SLC17A1: variants seen among roughly 807,000 people sequenced by gnomAD.
SLC17A1 encodes the protein solute carrier family 17 member 1.
A neutral mutation model predicts 53.5 loss-of-function variants in SLC17A1; 51 were observed. The ratio of observed to expected loss-of-function variants is 0.95; its 90% CI spans 0.76 to 1.20. SLC17A1 has a LOEUF of 1.20. Among genes scored for constraint, SLC17A1 ranks in the 50% most tolerant of loss-of-function variants. The probability of loss-of-function intolerance (pLI) is 0.00; values close to 1 mark genes in which losing one functional copy is unlikely to be tolerated. For synonymous variants in SLC17A1, 179 were observed against 198.8 expected, an observed-to-expected ratio of 0.90 and a Z score of 0.84; for missense variants, 538 against 568.2, an observed-to-expected ratio of 0.95 and a Z score of 0.54.
At chr6:25,785,681 T>C (rs9467597) in intron 12 of SLC17A1, among the ~76,000 whole-genome samples, 2,010 of 152,154 alleles carry the variant, frequency 0.013, 30 homozygotes, top group African/African-American at 0.036. Context: ...TGAATATATA[T>C]ATTTCTGTAA....
At chr6:25,753,098 C>A in the SLC17A1 span, among the ~76,000 whole-genome samples, 1 of 152,112 alleles carries the variant, frequency 6.6e-6, no homozygotes, top group Non-Finnish European at 1.5e-5. Flanking sequence ...TAGGCTGACA[C>A]AAAATCAAGA....
At chr6:25,801,655 A>G (rs961450708) in intron 10 of SLC17A1, among the ~76,000 whole-genome samples, 21 of 152,192 alleles carry the variant, frequency 1.4e-4, no homozygotes, top group Non-Finnish European at 2.4e-4. Context: ...ATTAAAGTTC[A>G]GTGTGTTCAA....
the SLC17A1 span, among the ~76,000 whole-genome samples, chr6:25,760,797 T>G: frequency 2.0e-5 from 3 of 152,208 alleles, no homozygotes; most frequent in Non-Finnish European, 4.4e-5. Context: ...TCAAGTAGTA[T>G]CTTTCTTAAA....
the SLC17A1 span, chr6:25,777,914 T>G: frequency 3.1e-6 from 5 of 1,601,250 alleles, no homozygotes; most frequent in South Asian, 5.5e-5. Flanking sequence ...GAGTACCATC[T>G]CTCTCTCTCA....
intron 2 of SLC17A1, among the ~76,000 whole-genome samples, chr6:25,827,209 A>G (rs1335326716): frequency 6.6e-6 from 1 of 152,124 alleles, no homozygotes; most frequent in African/African-American, 2.4e-5. Flanking sequence ...AATGCAATCC[A>G]TTGGAGGAAA....
chr6:25,769,852 T>C, the SLC17A1 span, among the ~76,000 whole-genome samples: 1 of 152,312 alleles, frequency 6.6e-6, no homozygotes, highest in South Asian at 2.1e-4. Context: ...AACTCTCTTA[T>C]ATTTTAATTT....
intron 6 of SLC17A1, among the ~76,000 whole-genome samples, chr6:25,816,980 T>G (rs896599006): frequency 1.3e-5 from 2 of 152,018 alleles, no homozygotes; most frequent in African/African-American, 2.4e-5. Flanking sequence ...TCCGAGTAGC[T>G]GGGATTATAG....
At chr6:25,743,897 T>A in the SLC17A1 span, among the ~76,000 whole-genome samples, 1 of 152,296 alleles carries the variant, frequency 6.6e-6, no homozygotes, top group African/African-American at 2.4e-5. Flanking sequence ...AATTACTGGG[T>A]TGAGCATGTG....
the SLC17A1 span, chr6:25,726,168 C>T: frequency 1.9e-6 from 3 of 1,575,680 alleles, no homozygotes; most frequent in Non-Finnish European, 2.6e-6. Context: ...GACTCTCAGT[C>T]TTCTTGGGCA....
chr6:25,731,943 A>G, the SLC17A1 span: 5 of 1,599,998 alleles, frequency 3.1e-6, no homozygotes, highest in South Asian at 4.4e-5. Context: ...CTCACAGGCA[A>G]TGCGCTCAAA....
downstream of SLC17A1, chr6:25,778,066 A>G: frequency 1.3e-6 from 2 of 1,492,126 alleles, no homozygotes; most frequent in East Asian, 2.3e-5. Flanking sequence ...CTATAGAGGC[A>G]TGGTTTTTTC....
At chr6:25,806,428 T>C (rs1041965323) in intron 10 of SLC17A1, among the ~76,000 whole-genome samples, 1 of 151,862 alleles carries the variant, frequency 6.6e-6, no homozygotes, top group African/African-American at 2.4e-5. Flanking sequence ...TCATACGAAA[T>C]AGGGAAAAGT....
the SLC17A1 span, among the ~76,000 whole-genome samples, chr6:25,740,274 C>T: frequency 0.27 from 41,303 of 151,962 alleles, 6,828 homozygotes; most frequent in East Asian, 0.7. Context: ...TGATCCTAAA[C>T]CTCAGTTACT....
the SLC17A1 span, chr6:25,768,570 C>T: frequency 3.9e-5 from 9 of 231,334 alleles, no homozygotes; most frequent in Non-Finnish European, 5.3e-5. Context: ...AATGGCACTT[C>T]CAGCTATCCC....
rs568786326 is a variant in SLC17A1, at chr6:25,784,123, T to C, written c.*3-905A>G. 2.4e-4 allele frequency among the ~76,000 whole-genome samples: 37 copies of C among 152,300 alleles called. No homozygotes were observed. The East Asian group carries it at 6.0e-3, about 25-fold the overall frequency. On this transcript the variant is annotated intron_variant, in intron 12 of 12. Coordinates refer to ENST00000244527, the MANE Select transcript of SLC17A1 (RefSeq NM_005074.5). ...TTTTATTAGTTATTAAAACATGGCG[T>C]CCATACAAATAGACATTTTCTGGGT...
the SLC17A1 span, chr6:25,726,818 G>A: frequency 7.0e-7 from 1 of 1,428,874 alleles, no homozygotes; most frequent in East Asian, 2.3e-5. Context: ...GTCATTTGGA[G>A]CTGTTTAATA....
rs770212359 is a variant in SLC17A1, at chr6:25,811,510, G to A, written c.1066C>T (p.Pro356Ser). 3 of 1,613,848 alleles carry A rather than the reference G, an allele frequency of 1.9e-6. No homozygotes were observed. Among genetic ancestry groups the A allele is most frequent in the African/African-American group, 2.7e-5 (2 of 74,900 alleles). The change falls in exon 10 of 13, where the codon CCT (proline) becomes TCT (serine). Residue 356 changes from proline to serine, a missense_variant. Coordinates refer to ENST00000244527, the MANE Select transcript of SLC17A1 (RefSeq NM_005074.5). ...LLPAIFGVCL[P>S]YLSSTFYSIV... ...CTGTAGAAGGTGGAACTCAGGTAAG[G>A]CAGGCAGACACCAAAGATTGCAGGA...
chr6:25,791,339 G>GT (rs1013992016), intron 12 of SLC17A1, among the ~76,000 whole-genome samples: 2 of 151,866 alleles, frequency 1.3e-5, no homozygotes, highest in African/African-American at 2.4e-5. Flanking sequence ...TGAAAATGAT[G>GT]TTTTTTTTGA....
At chr6:25,816,450 A>G (rs1764359719) in intron 6 of SLC17A1, among the ~76,000 whole-genome samples, 1 of 152,268 alleles carries the variant, frequency 6.6e-6, no homozygotes, top group African/African-American at 2.4e-5. Flanking sequence ...CATGATGATT[A>G]GAAGCAGAGC....
Sources: gnomAD v4.1 joint callset for allele counts (sites outside exome capture counted in the v4.1 genomes callset) on GRCh38, gnomAD v4.1.1 for gene constraint, MANE v1.5 for transcripts, NCBI Gene and HGNC (gene_info 2026-07-23, HGNC 2026-07-21) for gene names.